The following RBM5 variants were observed in gnomAD, a reference collection of about 807,000 sequenced individuals.
RBM5 encodes RNA-binding protein 5.
In RBM5, 15 loss-of-function variants were observed where a neutral mutation model predicts 124.6. That is an observed-to-expected ratio of 0.12 (90% CI 0.08 to 0.19). The LOEUF (loss-of-function observed/expected upper bound fraction) is 0.19, where lower values mean the gene tolerates loss of function less well. RBM5 is among the 10% of genes least tolerant of loss of function. The pLI, the probability that RBM5 is intolerant of heterozygous loss-of-function variation, is 1.00. For synonymous variants in RBM5, 337 were observed against 361.2 expected, an observed-to-expected ratio of 0.93 and a Z score of 0.76; for missense variants, 580 against 1,026.5, an observed-to-expected ratio of 0.57 and a Z score of 5.94.
intron 16 of RBM5, 30 bp downstream of exon 16, chr3:50,110,493 G>C (rs765486288): frequency 1.9e-6 from 3 of 1,591,760 alleles, no homozygotes; most frequent in East Asian, 4.5e-5. Flanking sequence ...GCTGTTGACA[G>C]TTGGAAGGTC....
chr3:50,089,144 GGGCTAAATTACCCCA>G (rs1458565098), intron 1 of RBM5, 115 bp downstream of exon 1: 1 of 152,404 alleles, frequency 6.6e-6, no homozygotes, highest in Non-Finnish European at 1.5e-5. Flanking sequence ...TTCTGTAGAG[GGGCTAAATTACCCCA>G]GGCGTTGGAG....
At chr3:50,104,751 T>G (rs1370770000) in intron 8 of RBM5, 2 of 302,564 alleles carry the variant, frequency 6.6e-6, no homozygotes, top group East Asian at 1.1e-4. Flanking sequence ...TTTAAATCTT[T>G]TCCCTTAGGT....
At chr3:50,115,767 C>A in intron 21 of RBM5, 139 bp from the exon 22 acceptor site, 2 of 1,175,684 alleles carry the variant, frequency 1.7e-6, no homozygotes, top group South Asian at 1.4e-5. Context: ...CAGCTCCACA[C>A]ACATCAAACT....
At chr3:50,112,443 A>T (rs1195193775) in intron 17 of RBM5, among the ~76,000 whole-genome samples, 2 of 129,376 alleles carry the variant, frequency 1.5e-5, no homozygotes, top group Non-Finnish European at 3.3e-5. Flanking sequence ...AAAAAAAAAA[A>T]AGTTGTGTCT....
At chr3:50,116,118 A>C in intron 22 of RBM5, 138 bp downstream of exon 22, 3 of 802,038 alleles carry the variant, frequency 3.7e-6, no homozygotes, top group Non-Finnish European at 4.1e-6. Context: ...ATTGTAGTTC[A>C]TGTAGCCTAG....
intron 11 of RBM5, 109 bp from the exon 12 acceptor site, chr3:50,107,373 C>A (rs977944890): frequency 2.3e-6 from 2 of 882,962 alleles, no homozygotes; most frequent in African/African-American, 1.6e-5. Context: ...TGTGGCCTTG[C>A]TGGCATTTGA....
Position 50,115,545 on chromosome 3 carries a change from C to T in RBM5, c.1957C>T (p.Arg653Trp), listed in dbSNP as rs775039679. 1.2e-5 allele frequency: 19 copies of T among 1,613,570 alleles called. No homozygotes were observed. Among genetic ancestry groups the T allele is most frequent in the East Asian group, 2.2e-5 (1 of 44,876 alleles). Residue 653 changes from arginine to tryptophan, a missense_variant, in exon 21 of 25, where the codon CGG becomes TGG. Physicochemically the swap from Arg to Trp is moderately radical, Grantham distance 101. Transcript: ENST00000347869. ...DWKKMACLLCRRQFPNKDALV... is the reference protein window; with the variant it reads ...DWKKMACLLCWRQFPNKDALV... ...GAAGAAGATGGCCTGTCTGCTCTGC[C>T]GGCGCCAGTTCCCGAACAAAGATGC...
In RBM5 at chr3:50,117,115, C is replaced by T. The variant is rs750310851; in HGVS notation, c.2136C>T (p.Tyr712=). The change falls in exon 23 of 25, where the codon TAC becomes TAT. Residue 712 remains tyrosine, a synonymous_variant. Coordinates refer to ENST00000347869, the MANE Select transcript of RBM5 (RefSeq NM_005778.4). The surrounding 1 kb of genome is among the most constrained non-coding windows in gnomAD (Gnocchi z 4.2). The part of the protein sequence containing the change: ...RDRAAERREK[Y]GIPEPPEPKR... ...GAGCTGCAGAAAGACGGGAGAAGTACGGCATTCCAGAACCTCCAGAGCCCA... is the reference window on the plus strand; with the variant it reads ...GAGCTGCAGAAAGACGGGAGAAGTATGGCATTCCAGAACCTCCAGAGCCCA... The T allele has an allele frequency of 8.1e-6, 13 of 1,614,020 alleles. No individual in the cohort carries two copies. The highest frequency in any genetic ancestry group is 4.5e-5 in the East Asian group (2 of 44,890).
chr3:50,089,328 C>G (rs1170092865), intron 1 of RBM5, among the ~76,000 whole-genome samples: 1 of 152,244 alleles, frequency 6.6e-6, no homozygotes, highest in East Asian at 1.9e-4. Context: ...GCCTGTCCCT[C>G]GGGCACTCCT....
In RBM5 at chr3:50,115,497, G is replaced by A; in HGVS notation, c.1909G>A (p.Glu637Lys). 6.2e-7 allele frequency: 1 copy of A among 1,614,124 alleles called. No individual in the cohort carries two copies. Among genetic ancestry groups the A allele is most frequent in the African/African-American group, 1.3e-5 (1 of 75,038 alleles). Residue 637 changes from glutamate (E) to lysine (K), a missense_variant, in exon 21 of 25, where the codon GAG (glutamate) becomes AAG (lysine). This residue lies in a region of RBM5 where 234 missense variants were observed against 435.1 expected (regional missense o/e 0.54). Transcript: ENST00000347869. ...GGAGCTGGTGGAGAGACTTGAGAGT[G>A]AGGAAGAGAAGCTAGCTGACTGGAA... ...EEELVERLES[E>K]EEKLADWKKM...
intron 3 of RBM5, among the ~76,000 whole-genome samples, 195 bp downstream of exon 3, chr3:50,092,403 A>G (rs1016287654): frequency 1.3e-5 from 2 of 152,088 alleles, no homozygotes; most frequent in East Asian, 1.9e-4. Flanking sequence ...TCTACTAAAA[A>G]TACAAAAATT....
chr3:50,109,473 A>C (rs2091103160), intron 14 of RBM5, 130 bp from the exon 15 acceptor site: 1 of 707,990 alleles, frequency 1.4e-6, no homozygotes, highest in Non-Finnish European at 2.5e-6. Flanking sequence ...CAGGGTACTT[A>C]GTGGAAGTTA....
intron 4 of RBM5, among the ~76,000 whole-genome samples, chr3:50,096,467 G>A (rs944247980): frequency 6.6e-6 from 1 of 152,072 alleles, no homozygotes; most frequent in East Asian, 1.9e-4. Flanking sequence ...CAGCCTGAGC[G>A]ACAGAGCAAG....
chr3:50,114,296 G>GTGTC (rs528090421), intron 20 of RBM5, 45 bp downstream of exon 20: 56 of 1,558,324 alleles, frequency 3.6e-5, no homozygotes, highest in Non-Finnish European at 4.3e-5. Context: ...TCTGTGGTTT[G>GTGTC]TGTCTCACTT....
chr3:50,098,340 C>G (rs2090865355), intron 4 of RBM5, among the ~76,000 whole-genome samples: 1 of 151,734 alleles, frequency 6.6e-6, no homozygotes. Flanking sequence ...GTGCAATAGC[C>G]CATTGTAACC....
intron 4 of RBM5, among the ~76,000 whole-genome samples, chr3:50,095,348 T>C (rs1003454946): frequency 6.6e-6 from 1 of 152,234 alleles, no homozygotes; most frequent in Non-Finnish European, 1.5e-5. Flanking sequence ...TAGTTACTTA[T>C]TAGATGAGGA....
Position 50,092,101 on chromosome 3 carries a change from G to A in RBM5, c.76G>A (p.Asp26Asn), listed in dbSNP as rs771743010. The change falls in exon 3 of 25, where the codon GAT (aspartate) becomes AAT (asparagine). Residue 26 changes from aspartate to asparagine, a missense_variant. Physicochemically the swap from Asp to Asn is conservative, Grantham distance 23. This residue lies in a region of RBM5 where 99 missense variants were observed against 121.1 expected (regional missense o/e 0.82). Coordinates refer to ENST00000347869, the MANE Select transcript of RBM5 (RefSeq NM_005778.4). ...YGSIIDRDDR[D>N]ERESRSRRRD... ...TTCCATCATAGACAGGGATGACCGT[G>A]ATGAGCGTGAATCCCGAAGCAGGCG... The A allele has an allele frequency of 8.1e-6, 13 of 1,614,096 alleles. 1 individual carries two copies. The South Asian group carries it at 1.4e-4, about 18-fold the overall frequency.
At chr3:50,116,254 TTTG>T in intron 22 of RBM5, 1 of 416,018 alleles carries the variant, frequency 2.4e-6, no homozygotes, top group Non-Finnish European at 4.4e-6. Context: ...TACGCTGGAT[TTTG>T]TTATGGAGAG....
intron 7 of RBM5, among the ~76,000 whole-genome samples, chr3:50,103,755 G>A (rs1028919265): frequency 2.0e-5 from 3 of 152,158 alleles, no homozygotes; most frequent in African/African-American, 7.2e-5. Flanking sequence ...TCAGTTTTTG[G>A]CGTAGTCTCT....
Sources: gnomAD v4.1 joint callset for allele counts (sites outside exome capture counted in the v4.1 genomes callset) on GRCh38, gnomAD v4.1.1 for gene constraint, gnomAD v4.1.1 regional missense constraint, Gnocchi (gnomAD v3.1) non-coding constraint, MANE v1.5 for transcripts, NCBI Gene and HGNC (gene_info 2026-07-23, HGNC 2026-07-21) for gene names.